The following NFYC variants were observed in gnomAD, a reference collection of about 807,000 sequenced individuals.
NFYC encodes nuclear transcription factor Y subunit gamma, also known as CAAT box DNA-binding protein subunit C.
Under a neutral mutation model 53.1 loss-of-function variants are expected in NFYC, and 25 were observed. That is an observed-to-expected ratio of 0.47 (90% CI 0.34 to 0.66). NFYC has a LOEUF of 0.66. Ranked by LOEUF, NFYC falls within the 30% of genes least tolerant of loss-of-function variation. The pLI, the probability that NFYC is intolerant of heterozygous loss-of-function variation, is 0.01. For synonymous variants in NFYC, 145 were observed against 152.6 expected, an observed-to-expected ratio of 0.95 and a Z score of 0.37; for missense variants, 260 against 422.7, an observed-to-expected ratio of 0.62 and a Z score of 3.38.
intron 1 of NFYC, among the ~76,000 whole-genome samples, chr1:40,710,340 C>T (rs1369655472): frequency 6.6e-6 from 1 of 151,994 alleles, no homozygotes; most frequent in African/African-American, 2.4e-5. Context: ...TCCATTTTTC[C>T]GTATTAAATA....
chr1:40,764,627 A>G (rs1052335367), intron 7 of NFYC, among the ~76,000 whole-genome samples: 3 of 152,250 alleles, frequency 2.0e-5, no homozygotes, highest in Non-Finnish European at 2.9e-5. Context: ...TCACTACTTC[A>G]TCTTCACTGG....
intron 8 of NFYC, chr1:40,769,145 G>T: frequency 1.8e-6 from 1 of 562,308 alleles, no homozygotes. Flanking sequence ...TGTGCTCCAG[G>T]ATTCTCGATG....
intron 2 of NFYC, among the ~76,000 whole-genome samples, chr1:40,745,539 A>G (rs1228606162): frequency 6.6e-6 from 1 of 152,150 alleles, no homozygotes; most frequent in Admixed American, 6.5e-5. Context: ...CTCTATACTC[A>G]GGTAGTAGAT....
intron 2 of NFYC, among the ~76,000 whole-genome samples, chr1:40,739,369 A>G (rs1297498495): frequency 6.6e-6 from 1 of 152,004 alleles, no homozygotes; most frequent in Non-Finnish European, 1.5e-5. Context: ...TGAGTCAGGA[A>G]CTCTTTCTAG....
At chr1:40,749,714 A>C in intron 4 of NFYC, 28 bp downstream of exon 4, 1 of 1,578,936 alleles carries the variant, frequency 6.3e-7, no homozygotes, top group Non-Finnish European at 8.7e-7. Context: ...GATTAGGAAA[A>C]CTGGGGTAAG....
intron 2 of NFYC, among the ~76,000 whole-genome samples, chr1:40,745,765 C>T (rs567835627): frequency 7.3e-4 from 111 of 152,276 alleles, no homozygotes; most frequent in African/African-American, 2.5e-3. Flanking sequence ...TTTGTGTCCC[C>T]GCAGGGGATC....
intron 4 of NFYC, among the ~76,000 whole-genome samples, chr1:40,751,942 A>C (rs1039834023): frequency 1.3e-5 from 2 of 152,126 alleles, no homozygotes; most frequent in African/African-American, 4.8e-5. Flanking sequence ...GGTTGGCAAG[A>C]AGGGCGGACT....
intron 9 of NFYC, 119 bp downstream of exon 9, chr1:40,769,534 A>G (rs1646981306): frequency 1.2e-6 from 1 of 813,748 alleles, no homozygotes; most frequent in Non-Finnish European, 2.1e-6. Context: ...GTGAGTGGAC[A>G]GAAATTGTTA....
At chr1:40,719,361 G>A (rs1557773640) in intron 1 of NFYC, among the ~76,000 whole-genome samples, 1 of 152,226 alleles carries the variant, frequency 6.6e-6, no homozygotes. Context: ...AATTTAGCCA[G>A]GTGATTCCTC....
intron 5 of NFYC, chr1:40,757,382 C>T (rs1329007001): frequency 1.9e-6 from 1 of 533,942 alleles, no homozygotes; most frequent in Non-Finnish European, 3.8e-6. Context: ...AAAACATCAG[C>T]TGAAGAAGGA....
At chr1:40,757,249 CA>C (rs1403492770) in intron 5 of NFYC, 1 of 483,482 alleles carries the variant, frequency 2.1e-6, no homozygotes, top group Non-Finnish European at 4.4e-6. Flanking sequence ...TGTCAGTGGT[CA>C]GGGGCTGATC....
chr1:40,728,682 G>C (rs572964812), intron 1 of NFYC, among the ~76,000 whole-genome samples: 46 of 152,102 alleles, frequency 3.0e-4, no homozygotes, highest in Non-Finnish European at 5.3e-4. Context: ...GTGCTACCCA[G>C]GCTGGAGTGC....
chr1:40,704,495 A>T (rs900843121), intron 1 of NFYC, among the ~76,000 whole-genome samples: 3 of 152,212 alleles, frequency 2.0e-5, no homozygotes, highest in African/African-American at 7.2e-5. Context: ...AGTCCACAGT[A>T]ATGACAGGTA....
chr1:40,744,302 G>A (rs1235472960), intron 2 of NFYC, among the ~76,000 whole-genome samples: 1 of 152,198 alleles, frequency 6.6e-6, no homozygotes, highest in Non-Finnish European at 1.5e-5. Flanking sequence ...GGGGACCACT[G>A]TCCTAGAGTT....
intron 7 of NFYC, among the ~76,000 whole-genome samples, chr1:40,764,204 T>G (rs561559230): frequency 1.9e-4 from 29 of 152,362 alleles, no homozygotes; most frequent in African/African-American, 6.7e-4. Context: ...TCCCTGCCCT[T>G]TGCCATTTTT....
At chr1:40,758,374 G>C in intron 6 of NFYC, 80 bp downstream of exon 6, 2 of 1,422,510 alleles carry the variant, frequency 1.4e-6, no homozygotes, top group Non-Finnish European at 1.9e-6. Flanking sequence ...GATGAGGGCA[G>C]AGAGGCAGCC....
At chr1:40,754,809 C>T (rs1024635715) in intron 5 of NFYC, among the ~76,000 whole-genome samples, 3 of 152,064 alleles carry the variant, frequency 2.0e-5, no homozygotes, top group South Asian at 2.1e-4. Flanking sequence ...CTGGGTCTCT[C>T]GGGGTGTCAT....
At chr1:40,699,007 AC>A (rs764298065) in intron 1 of NFYC, among the ~76,000 whole-genome samples, 1 of 152,010 alleles carries the variant, frequency 6.6e-6, no homozygotes, top group East Asian at 1.9e-4. Context: ...TACTAAAGAT[AC>A]AAAAAATTAG....
intron 5 of NFYC, 26 bp from the exon 6 acceptor site, chr1:40,758,095 T>A: frequency 6.2e-7 from 1 of 1,611,306 alleles, no homozygotes; most frequent in Non-Finnish European, 8.5e-7. Flanking sequence ...CTTTTCCTCT[T>A]ACCTGCCTCT....
Sources: allele counts gnomAD v4.1 joint callset (sites outside exome capture counted in the v4.1 genomes callset), GRCh38; gene constraint gnomAD v4.1.1; transcripts MANE v1.5; gene names NCBI Gene and HGNC (gene_info 2026-07-23, HGNC 2026-07-21).